The following ACTR3C variants were observed in gnomAD, a reference collection of about 807,000 sequenced individuals.
ACTR3C encodes actin related protein 3C.
ACTR3C carries 18 observed loss-of-function variants against 26.3 expected under a neutral mutation model. That is an observed-to-expected ratio of 0.68 (90% confidence interval 0.47 to 1.01). ACTR3C has a LOEUF of 1.01. Ranked by LOEUF, ACTR3C falls within the 50% of genes least tolerant of loss-of-function variation. The pLI is 0.00. For synonymous variants in ACTR3C, 55 were observed against 94.5 expected (o/e 0.58, Z 2.42); for missense variants, 184 against 250.7 (o/e 0.73, Z 1.80).
chr7:149,937,500 CA>C, the ACTR3C span, among the ~76,000 whole-genome samples: 2 of 152,008 alleles, frequency 1.3e-5, no homozygotes, highest in Middle Eastern at 3.2e-3. Flanking sequence ...GAAAATCCAC[CA>C]AAATAACACT....
chr7:150,050,041 A>G, the ACTR3C span, among the ~76,000 whole-genome samples: 1 of 152,076 alleles, frequency 6.6e-6, no homozygotes, highest in Non-Finnish European at 1.5e-5. Context: ...AGTCACCACA[A>G]TTAGATAGAT....
chr7:149,996,366 A>C, the ACTR3C span, among the ~76,000 whole-genome samples: 4 of 150,304 alleles, frequency 2.7e-5, no homozygotes, highest in African/African-American at 9.7e-5. Flanking sequence ...GGATGGGGCG[A>C]ATCATCCAGA....
At chr7:150,024,186 T>C in the ACTR3C span, among the ~76,000 whole-genome samples, 3 of 151,562 alleles carry the variant, frequency 2.0e-5, no homozygotes, top group African/African-American at 7.3e-5. Flanking sequence ...AGAGCGACTT[T>C]ACATTTAAAT....
intron 2 of ACTR3C, among the ~76,000 whole-genome samples, chr7:150,293,807 G>A (rs531360641): frequency 4.5e-4 from 68 of 152,226 alleles, no homozygotes; most frequent in African/African-American, 1.6e-3. Context: ...GTGGTGACAC[G>A]CACCTGTACT....
chr7:150,167,730 C>T, the ACTR3C span, among the ~76,000 whole-genome samples: 14,715 of 150,356 alleles, frequency 0.098, 1,053 homozygotes, highest in Middle Eastern at 0.15. Flanking sequence ...TGCATGGAGG[C>T]GGTGCAAGCT....
At chr7:149,936,447 C>A in the ACTR3C span, among the ~76,000 whole-genome samples, 225 of 152,296 alleles carry the variant, frequency 1.5e-3, 3 homozygotes, top group East Asian at 0.015. Context: ...GCACTTCCTG[C>A]CCATCCTGCT....
At chr7:150,094,736 CG>C in the ACTR3C span, among the ~76,000 whole-genome samples, 1 of 150,772 alleles carries the variant, frequency 6.6e-6, no homozygotes, top group Non-Finnish European at 1.5e-5. Flanking sequence ...AAGTCCCTCA[CG>C]GAGCTCAGCG....
the ACTR3C span, among the ~76,000 whole-genome samples, chr7:150,024,923 T>C: frequency 6.6e-6 from 1 of 151,752 alleles, no homozygotes; most frequent in Non-Finnish European, 1.5e-5. Flanking sequence ...CTCCTTTAGG[T>C]GAGCAGCAAA....
At chr7:150,106,842 T>C in the ACTR3C span, among the ~76,000 whole-genome samples, 1 of 146,042 alleles carries the variant, frequency 6.8e-6, no homozygotes, top group Admixed American at 6.7e-5. Context: ...AGACAGGAGA[T>C]GTACTGGGTG....
the ACTR3C span, among the ~76,000 whole-genome samples, chr7:150,199,643 A>T: frequency 5.2e-4 from 72 of 137,984 alleles, no homozygotes; most frequent in Middle Eastern, 3.6e-3. Flanking sequence ...TAAAAATAAA[A>T]AAAAATAAAT....
chr7:150,051,305 T>C, the ACTR3C span, among the ~76,000 whole-genome samples: 1 of 150,880 alleles, frequency 6.6e-6, no homozygotes, highest in Admixed American at 6.7e-5. Context: ...ACTGGCAAGC[T>C]ATGGCATGTT....
At chr7:150,283,222 A>AGT (rs1172332486) in intron 6 of ACTR3C, among the ~76,000 whole-genome samples, 1 of 149,396 alleles carries the variant, frequency 6.7e-6, no homozygotes, top group Non-Finnish European at 1.5e-5. Flanking sequence ...AAGATTGAAC[A>AGT]GTGTTCCCTG....
chr7:150,047,791 G>A, the ACTR3C span: 2,326 of 1,528,246 alleles, frequency 1.5e-3, 31 homozygotes, highest in African/African-American at 0.029. Flanking sequence ...CTCGCCTCCG[G>A]GGGCGTGGGG....
the ACTR3C span, among the ~76,000 whole-genome samples, chr7:150,042,147 AC>A: frequency 9.5e-4 from 30 of 31,528 alleles, no homozygotes; most frequent in East Asian, 2.9e-3. Flanking sequence ...CAGTGGGGGA[AC>A]CAGGGGCTGG....
chr7:150,012,128 T>C, the ACTR3C span, among the ~76,000 whole-genome samples: 1 of 152,168 alleles, frequency 6.6e-6, no homozygotes, highest in African/African-American at 2.4e-5. Context: ...GGAGAAACTA[T>C]ATCAGCCCAG....
the ACTR3C span, among the ~76,000 whole-genome samples, chr7:149,899,648 A>G: frequency 2.7e-5 from 4 of 150,256 alleles, no homozygotes; most frequent in African/African-American, 7.3e-5. Context: ...TCTGGGATAT[A>G]TAAGAAAAGA....
At chr7:150,117,023 T>G in the ACTR3C span, among the ~76,000 whole-genome samples, 1 of 152,200 alleles carries the variant, frequency 6.6e-6, no homozygotes, top group African/African-American at 2.4e-5. Context: ...CATGAGGGAC[T>G]GTGCCATGAG....
chr7:149,993,237 C>T, the ACTR3C span, among the ~76,000 whole-genome samples: 188 of 149,998 alleles, frequency 1.3e-3, 1 homozygote, highest in African/African-American at 4.2e-3. Context: ...ACATTACCAG[C>T]TATCTAGGCA....
chr7:150,100,941 G>A, the ACTR3C span, among the ~76,000 whole-genome samples: 4 of 151,522 alleles, frequency 2.6e-5, 1 homozygote, highest in African/African-American at 9.8e-5. Flanking sequence ...TTGAGCTCAG[G>A]CGATCCACTT....
Sources: gnomAD v4.1 joint callset for allele counts (sites outside exome capture counted in the v4.1 genomes callset) on GRCh38, gnomAD v4.1.1 for gene constraint, MANE v1.5 for transcripts, NCBI Gene and HGNC (gene_info 2026-07-23, HGNC 2026-07-21) for gene names.